Variants in ARPC5L observed in about 807,000 individuals in gnomAD.
ARPC5L encodes the protein actin-related protein 2/3 complex subunit 5-like protein.
Under a neutral mutation model 16.9 loss-of-function variants are expected in ARPC5L, and 4 were observed. That is an observed-to-expected ratio of 0.24 (90% CI 0.12 to 0.54). ARPC5L has a LOEUF of 0.54. ARPC5L is among the 20% of genes least tolerant of loss of function. The pLI is 0.95. For synonymous variants in ARPC5L, 78 were observed against 82.6 expected, an observed-to-expected ratio of 0.94 and a Z score of 0.30; for missense variants, 151 against 201.9, an observed-to-expected ratio of 0.75 and a Z score of 1.53.
chr9:124,871,672 A>G (rs566127544), intron 3 of ARPC5L, among the ~76,000 whole-genome samples: 1 of 152,320 alleles, frequency 6.6e-6, no homozygotes, highest in Admixed American at 6.5e-5. Flanking sequence ...ATTTAAAAGT[A>G]TGAGTTCCTT....
chr9:124,871,255 TG>T (rs1829355047), intron 3 of ARPC5L, among the ~76,000 whole-genome samples: 1 of 152,224 alleles, frequency 6.6e-6, no homozygotes, highest in Non-Finnish European at 1.5e-5. Flanking sequence ...GGAACCCGGC[TG>T]TGCATCTGCG....
At chr9:124,862,443 T>A (rs1215233402) in intron 1 of ARPC5L, 45 bp downstream of exon 1, 1 of 153,812 alleles carries the variant, frequency 6.5e-6, no homozygotes, top group African/African-American at 2.4e-5. Context: ...CTCAGGCAGT[T>A]ATAATCCAAC....
chr9:124,873,718 C>A lies in ARPC5L; in HGVS notation c.176C>A (p.Ala59Glu), dbSNP rs753300266. ...GGGGACATGCTTCGGGCATTCCATG[C>A]AGCCTTGCGGAACTCTCCCGTCAAC... ...RQGDMLRAFH[A>E]ALRNSPVNTK... The change falls in exon 4 of 6, where the codon GCA (alanine) becomes GAA (glutamate). Residue 59 changes from alanine (A) to glutamate (E), a missense_variant. By Grantham distance (107) the Ala-to-Glu change is moderately radical. Transcript: ENST00000353214. 14 of 1,614,096 alleles carry A rather than the reference C, an allele frequency of 8.7e-6. No homozygotes were observed. In the African/African-American group the frequency reaches 1.1e-4, roughly 12 times the overall value.
Position 124,873,783 on chromosome 9 carries a change from G to A in ARPC5L, c.222+19G>A, listed in dbSNP as rs199985526. Reference sequence around the variant, plus strand: ...TGTGAAGGTAAAGGGGTGGCGCTGCGGCTCTGCTGGGTGCTGTTGGGACCA... The same window carrying A: ...TGTGAAGGTAAAGGGGTGGCGCTGCAGCTCTGCTGGGTGCTGTTGGGACCA... On this transcript the variant is annotated intron_variant, in intron 4 of 5. Coordinates refer to ENST00000353214, the MANE Select transcript of ARPC5L (RefSeq NM_030978.3). The A allele has an allele frequency of 8.7e-6, 14 of 1,613,820 alleles. No individual in the cohort carries two copies. Among genetic ancestry groups the A allele is most frequent in the African/African-American group, 2.7e-5 (2 of 74,914 alleles).
At chr9:124,875,799 T>G (rs1196003316) in intron 5 of ARPC5L, among the ~76,000 whole-genome samples, 1 of 152,164 alleles carries the variant, frequency 6.6e-6, no homozygotes, top group Non-Finnish European at 1.5e-5. Flanking sequence ...CGCCCACCAT[T>G]AAAGCAGACC....
intron 5 of ARPC5L, among the ~76,000 whole-genome samples, chr9:124,875,537 G>A (rs1829420972): frequency 6.6e-6 from 1 of 152,196 alleles, no homozygotes; most frequent in Non-Finnish European, 1.5e-5. Flanking sequence ...GGGGTTCTTA[G>A]AAATAGAGTC....
At chr9:124,866,734 A>G (rs1212636097) in intron 2 of ARPC5L, among the ~76,000 whole-genome samples, 1 of 152,158 alleles carries the variant, frequency 6.6e-6, no homozygotes, top group African/African-American at 2.4e-5. Context: ...AATTAAAAAA[A>G]AATTTACCCA....
rs1051834091 is a variant in ARPC5L, at chr9:124,869,045, G to C, written c.-246G>C. ...CTCCGTGGAAGGGACACTGAGGTGG[G>C]GGAGGCTGCGGTGATCCCATACCGC... is the stretch of plus-strand genomic sequence containing the variant. On this transcript the variant is annotated 5_prime_UTR_variant, in exon 3 of 6. Transcript: ENST00000353214. 1 of 386,292 alleles carries C rather than the reference G, an allele frequency of 2.6e-6. No individual in the cohort carries two copies. 23.9% of individuals were successfully genotyped at this position (386,292 alleles called of 1,614,324 possible). A position where few individuals can be genotyped will look rare whatever the true frequency, so the allele number is the denominator to read the frequency against.
At position 124,877,185 on chromosome 9, in the gene ARPC5L, A is replaced by T; in HGVS notation, c.*245A>T. On this transcript the variant is annotated 3_prime_UTR_variant, in exon 6 of 6. Coordinates refer to ENST00000353214, the MANE Select transcript of ARPC5L (RefSeq NM_030978.3). ...TGCAGAACTGACATTTTGACGGTCTACCAGCGTGGCGGCTGGTGTTGGTCA... is the reference window on the plus strand; with the variant it reads ...TGCAGAACTGACATTTTGACGGTCTTCCAGCGTGGCGGCTGGTGTTGGTCA... 1 of 468,550 alleles carries T rather than the reference A, an allele frequency of 2.1e-6. No homozygotes were observed. Among genetic ancestry groups the T allele is most frequent in the South Asian group, 2.5e-5 (1 of 40,204 alleles). 29.0% of individuals were successfully genotyped at this position (468,550 alleles called of 1,614,324 possible). A position where few individuals can be genotyped will look rare whatever the true frequency, so the allele number is the denominator to read the frequency against.
At chr9:124,866,503 C>T (rs537190133) in intron 2 of ARPC5L, among the ~76,000 whole-genome samples, 14 of 152,226 alleles carry the variant, frequency 9.2e-5, no homozygotes, top group Admixed American at 4.6e-4. Context: ...GGGCAGATCA[C>T]CTGAGGTCAG....
intron 3 of ARPC5L, chr9:124,873,044 T>C (rs1412130399): frequency 6.6e-6 from 1 of 152,290 alleles, no homozygotes; most frequent in Non-Finnish European, 1.5e-5. Context: ...ATTGTAATTT[T>C]CTTTTGCATG....
At chr9:124,871,203 AG>A in intron 3 of ARPC5L, among the ~76,000 whole-genome samples, 1 of 152,302 alleles carries the variant, frequency 6.6e-6, no homozygotes, top group South Asian at 2.1e-4. Context: ...GGGGCTGTAT[AG>A]GGAAGTGTGT....
chr9:124,877,034 C>A lies in ARPC5L; in HGVS notation c.*94C>A. 1.1e-6 allele frequency: 1 copy of A among 922,330 alleles called. No homozygotes were observed. Among genetic ancestry groups the A allele is most frequent in the Admixed American group, 2.6e-5 (1 of 38,622 alleles). The allele number at this position is 922,330 out of a possible 1,614,324, so 57.1% of individuals were successfully genotyped here. A position where few individuals can be genotyped will look rare whatever the true frequency, so the allele number is the denominator to read the frequency against. ...ACAATGGACCATCTTCCTAGGAACT[C>A]CCAAGTAAACTATTTCAGGACATGT... On this transcript the variant is annotated 3_prime_UTR_variant, in exon 6 of 6. Coordinates refer to ENST00000353214, the MANE Select transcript of ARPC5L (RefSeq NM_030978.3).
chr9:124,877,701 A>AAT lies in ARPC5L; in HGVS notation c.*762_*763dup, dbSNP rs1370722547. 13 of 143,550 alleles carry AAT rather than the reference A, an allele frequency of 9.1e-5. No individual in the cohort carries two copies. The highest frequency in any genetic ancestry group is 3.5e-4 in the African/African-American group (13 of 37,402). 8.9% of individuals were successfully genotyped at this position (143,550 alleles called of 1,614,324 possible). A position where few individuals can be genotyped will look rare whatever the true frequency, so the allele number is the denominator to read the frequency against. ...AATTAATTTTGGAGCTTATTTAATT[A>AAT]ATTTAATAAAGTGCCAAACATTTAA... On this transcript the variant is annotated 3_prime_UTR_variant, in exon 6 of 6. Coordinates refer to ENST00000353214, the MANE Select transcript of ARPC5L (RefSeq NM_030978.3).
intron 3 of ARPC5L, 195 bp from the exon 4 acceptor site, chr9:124,873,497 G>A: frequency 1.6e-6 from 1 of 616,700 alleles, no homozygotes. Context: ...AGGAGGGTTT[G>A]CATGGTTGGC....
intron 2 of ARPC5L, 65 bp from the exon 3 acceptor site, chr9:124,868,363 C>A (rs2131332062): frequency 6.6e-6 from 1 of 152,348 alleles, no homozygotes; most frequent in East Asian, 1.9e-4. Flanking sequence ...GATAACAGCC[C>A]AGGCACCAAA....
At chr9:124,863,218 G>T (rs975870096) in intron 1 of ARPC5L, among the ~76,000 whole-genome samples, 5 of 151,992 alleles carry the variant, frequency 3.3e-5, no homozygotes, top group African/African-American at 1.2e-4. Flanking sequence ...GCAGTGGCGC[G>T]ATCTCGGCTC....
intron 2 of ARPC5L, among the ~76,000 whole-genome samples, chr9:124,867,267 G>C (rs557101612): frequency 6.6e-6 from 1 of 151,326 alleles, no homozygotes; most frequent in Non-Finnish European, 1.5e-5. Context: ...TCAGCTTCCC[G>C]AGTAGCTGGG....
At chr9:124,864,156 A>G (rs1329337773) in intron 2 of ARPC5L, 49 bp downstream of exon 2, 2 of 151,546 alleles carry the variant, frequency 1.3e-5, no homozygotes, top group Non-Finnish European at 2.9e-5. Flanking sequence ...AAAAGAGAGT[A>G]GAGAGAGGGC....
Sources: gnomAD v4.1 joint callset for allele counts (sites outside exome capture counted in the v4.1 genomes callset) on GRCh38, gnomAD v4.1.1 for gene constraint, MANE v1.5 for transcripts, NCBI Gene and HGNC (gene_info 2026-07-23, HGNC 2026-07-21) for gene names.